Variants in THBS3 observed in about 807,000 individuals in gnomAD.
THBS3 encodes the protein thrombospondin-3.
A neutral mutation model predicts 118.3 loss-of-function variants in THBS3; 78 were observed. The observed-to-expected ratio is 0.66, with a 90% CI of 0.55 to 0.80. The LOEUF is 0.80. Among genes scored for constraint, THBS3 ranks in the 30% least tolerant of loss-of-function variants. The pLI is 0.00. For synonymous variants in THBS3, 427 were observed against 475.3 expected, an observed-to-expected ratio of 0.90 and a Z score of 1.32; for missense variants, 1,057 against 1,247.4, an observed-to-expected ratio of 0.85 and a Z score of 2.30.
In THBS3 at chr1:155,197,080, C is replaced by T. The variant is rs766233941; in HGVS notation, c.2633G>A (p.Arg878His). ...TTGAGGCCGGTGCAGAAGCTGCCAG[C>T]GATAGGAGGTCTTGTCCCGCCAGCC... ...NVGWRDKTSYRWQLLHRPQVG... is the reference protein window; with the variant it reads ...NVGWRDKTSYHWQLLHRPQVG... Residue 878 changes from arginine (R) to histidine (H), a missense_variant, in exon 21 of 23, where the codon CGC becomes CAC. Arg to His is a conservative substitution (Grantham distance 29). Coordinates refer to ENST00000368378, the MANE Select transcript of THBS3 (RefSeq NM_007112.5). This position sits in a 1 kb window ranked among gnomAD's most constrained non-coding sequence, Gnocchi z 5.0. The T allele has an allele frequency of 2.6e-5, 42 of 1,613,942 alleles. No homozygotes were observed. The Admixed American group carries it at 4.8e-4, about 19-fold the overall frequency.
chr1:155,202,296 C>A lies in THBS3; in HGVS notation c.1063G>T (p.Gly355Cys). Residue 355 changes from glycine to cysteine, a missense_variant, in exon 9 of 23, where the codon GGT becomes TGT. Coordinates refer to ENST00000368378, the MANE Select transcript of THBS3 (RefSeq NM_007112.5). The surrounding 1 kb of genome is among the most constrained non-coding windows in gnomAD (Gnocchi z 5.5). ...GCCCGGGCATAGTCAATGCCCACAC[C>A]AGACACCTGTGTGCCCTTGTACCCT... ...PRGYKGTQVS[G>C]VGIDYARASK... 1.7e-5 allele frequency: 28 copies of A among 1,614,102 alleles called. No homozygotes were observed. The highest frequency in any genetic ancestry group is 2.4e-5 in the Non-Finnish European group (28 of 1,180,028).
intron 3 of THBS3, 43 bp downstream of exon 3, chr1:155,205,017 C>G (rs368139686): frequency 2.7e-4 from 440 of 1,613,018 alleles, no homozygotes; most frequent in Non-Finnish European, 3.5e-4. Context: ...CCAGCTGGTG[C>G]AAACTCTATT....
chr1:155,197,665 G>T lies in THBS3; in HGVS notation c.2303-6C>A. On this transcript the variant is annotated splice_region_variant and splice_polypyrimidine_tract_variant and intron_variant, in intron 19 of 22. Transcript: ENST00000368378. The surrounding 1 kb of genome is among the most constrained non-coding windows in gnomAD (Gnocchi z 5.0). ...ACCATTGAAGGCCGTGTATCCTGGGGTGGGGGTGGGATAAAGGTCAGGGGC... is the reference window on the plus strand; with the variant it reads ...ACCATTGAAGGCCGTGTATCCTGGGTTGGGGGTGGGATAAAGGTCAGGGGC... 1 of 1,603,966 alleles carries T rather than the reference G, an allele frequency of 6.2e-7. No individual in the cohort carries two copies. Among genetic ancestry groups the T allele is most frequent in the African/African-American group, 1.3e-5 (1 of 74,766 alleles).
rs1429976594 is a variant in THBS3 at position 155,201,994 on chromosome 1, C to G, written c.1139G>C (p.Gly380Ala). Residue 380 changes from glycine to alanine, a missense_variant, in exon 10 of 23, where the codon GGT (glycine) becomes GCT (alanine). Physicochemically the swap from Gly to Ala is moderately conservative, Grantham distance 60. This residue lies in a region of THBS3 where 544 missense variants were observed against 715.6 expected (regional missense o/e 0.76). Transcript: ENST00000368378. ...GCAGATGGAGTTTGGGTCACAGCCA[C>G]CATTGTTGCCATCGTTGCATTCATC... is the stretch of plus-strand genomic sequence containing the variant. ...DIDECNDGNN[G>A]GCDPNSICTN... 6.2e-7 allele frequency: 1 copy of G among 1,614,004 alleles called. No homozygotes were observed. Among genetic ancestry groups the G allele is most frequent in the Admixed American group, 1.7e-5 (1 of 60,002 alleles).
chr1:155,208,389 C>T (rs1180339237), upstream of THBS3, among the ~76,000 whole-genome samples: 1 of 152,224 alleles, frequency 6.6e-6, no homozygotes, highest in South Asian at 2.1e-4. Context: ...TGGGGGGTCC[C>T]CTGACAAGTG....
chr1:155,207,455 G>A (rs1006280551), intron 1 of THBS3, among the ~76,000 whole-genome samples: 1 of 151,650 alleles, frequency 6.6e-6, no homozygotes, highest in African/African-American at 2.4e-5. Context: ...ACGAAGCCCA[G>A]GGACCTACAG....
rs904914581 is a variant in THBS3, at chr1:155,206,861, CA to C, written c.80-456del. On this transcript the variant is annotated intron_variant, in intron 1 of 22. Transcript: ENST00000368378. This position sits in a 1 kb window ranked among gnomAD's most constrained non-coding sequence, Gnocchi z 4.2. Reference sequence around the variant, plus strand: ...CCATCTCAAAAAGACAAAACGAAAACAAAAAAAAACCTCAACCCTTGTTGCT... The same window carrying C: ...CCATCTCAAAAAGACAAAACGAAAACAAAAAAAACCTCAACCCTTGTTGCT... 1.2e-3 allele frequency among the ~76,000 whole-genome samples: 175 copies of C among 150,842 alleles called. 1 individual carries two copies. Among genetic ancestry groups the C allele is most frequent in the Non-Finnish European group, 3.7e-4 (25 of 67,612 alleles).
At position 155,206,689 on chromosome 1, in the gene THBS3, C is replaced by T. The variant is rs182936472; in HGVS notation, c.80-283G>A. Among the ~76,000 whole-genome samples, 8 of 151,692 alleles carry T rather than the reference C, an allele frequency of 5.3e-5. No individual in the cohort carries two copies. Among genetic ancestry groups the T allele is most frequent in the Admixed American group, 5.2e-4 (8 of 15,250 alleles). On this transcript the variant is annotated intron_variant, in intron 1 of 22. Transcript: ENST00000368378. This position sits in a 1 kb window ranked among gnomAD's most constrained non-coding sequence, Gnocchi z 4.2. ...AACAACAACAAAAAAGAAAAAAAAA[C>T]CACCTAGCCGGGCGTGGTGGCGGGC...
chr1:155,200,031 A>G lies in THBS3; in HGVS notation c.1791T>C (p.Ala597=). Residue 597 remains alanine (A), a synonymous_variant, in exon 15 of 23, where the codon GCT becomes GCC. Transcript: ENST00000368378. ...TGCTCATTTCAGGGCAGCTGTCGCAAGCATCTCCCACCCCGTCCTCATCCC... is the reference window on the plus strand; with the variant it reads ...TGCTCATTTCAGGGCAGCTGTCGCAGGCATCTCCCACCCCGTCCTCATCCC... ...TDRDEDGVGD[A]CDSCPEMSNP... 1 of 1,602,718 alleles carries G rather than the reference A, an allele frequency of 6.2e-7. No homozygotes were observed. The highest frequency in any genetic ancestry group is 1.1e-5 in the South Asian group (1 of 89,482).
upstream of THBS3, chr1:155,207,956 G>T: frequency 7.6e-7 from 1 of 1,309,714 alleles, no homozygotes. Context: ...AGGAGCCGGG[G>T]GGCGGAGGGA....
At chr1:155,208,830 G>A, upstream of THBS3, 1 of 1,580,870 alleles carries the variant, frequency 6.3e-7, no homozygotes, top group Non-Finnish European at 8.6e-7. Flanking sequence ...CCCCCCCGCA[G>A]TCCCCGCTCG....
rs1168341496 is a variant in THBS3 at position 155,195,886 on chromosome 1, C to A, written c.2826G>T (p.Glu942Asp). 6.2e-7 allele frequency: 1 copy of A among 1,614,168 alleles called. No individual in the cohort carries two copies. The highest frequency in any genetic ancestry group is 8.5e-7 in the Non-Finnish European group (1 of 1,180,018). The change falls in exon 23 of 23, where the codon GAG becomes GAT. Residue 942 changes from glutamate to aspartate, a missense_variant. Glu to Asp is a conservative substitution (Grantham distance 45). Coordinates refer to ENST00000368378, the MANE Select transcript of THBS3 (RefSeq NM_007112.5). ...LQYRCNDTVP[E>D]DFEPFRRQLL... ...GCTGCCTCCGGAATGGCTCAAAGTC[C>A]TCAGGCACTGTGTCTGAAGAAGGGG...
At position 155,202,975 on chromosome 1, in the gene THBS3, C is replaced by A; in HGVS notation, c.809-15G>T. ...CTCATGGAAGCCTGAGGGGTGGACA[C>A]AGTCAGAGCTACCCGGTGGTCACTA... On this transcript the variant is annotated splice_polypyrimidine_tract_variant and intron_variant, in intron 7 of 22. Transcript: ENST00000368378. This position sits in a 1 kb window ranked among gnomAD's most constrained non-coding sequence, Gnocchi z 5.5. The A allele has an allele frequency of 5.0e-6, 8 of 1,613,794 alleles. No homozygotes were observed. Among genetic ancestry groups the A allele is most frequent in the Non-Finnish European group, 5.9e-6 (7 of 1,179,894 alleles).
intron 12 of THBS3, 25 bp downstream of exon 12, chr1:155,201,069 C>T (rs540043671): frequency 2.5e-6 from 4 of 1,614,180 alleles, no homozygotes; most frequent in Admixed American, 1.7e-5. Context: ...CCCACTACGC[C>T]CCCTTGCCCG....
At chr1:155,209,089 C>A (rs1487131160), upstream of THBS3, 1 of 1,542,642 alleles carries the variant, frequency 6.5e-7, no homozygotes, top group African/African-American at 1.4e-5. Flanking sequence ...GCCCAGTCCC[C>A]CGCAGTTCAG....
chr1:155,200,600 C>T lies in THBS3; in HGVS notation c.1559G>A (p.Arg520Gln), dbSNP rs138543887. The T allele has an allele frequency of 4.5e-4, 713 of 1,591,666 alleles. 1 individual carries two copies. The highest frequency in any genetic ancestry group is 1.4e-3 in the Admixed American group (85 of 59,994). Residue 520 changes from arginine (R) to glutamine (Q), a missense_variant, in exon 14 of 23, where the codon CGG becomes CAG. Coordinates refer to ENST00000368378, the MANE Select transcript of THBS3 (RefSeq NM_007112.5). ...DGIKNVEDNC[R>Q]LFPNKDQQNS... is the part of the protein sequence containing the mutation. ...CTGCTGGTCTTTGTTGGGGAACAGC[C>T]GGCAGTTGTCCTGGGCAGAGGGGTG...
In THBS3 at chr1:155,202,583, T is replaced by C. The variant is rs1669940218; in HGVS notation, c.958-182A>G. ...TTCCCTCTCTCCCTCCCCATGCCAC[T>C]GGTCACCATCTCAAGCCTCCCCTGC... On this transcript the variant is annotated intron_variant, in intron 8 of 22. Coordinates refer to ENST00000368378, the MANE Select transcript of THBS3 (RefSeq NM_007112.5). The surrounding 1 kb of genome is among the most constrained non-coding windows in gnomAD (Gnocchi z 5.5). 6.6e-6 allele frequency among the ~76,000 whole-genome samples: 1 copy of C among 152,246 alleles called. No homozygotes were observed. The highest frequency in any genetic ancestry group is 2.1e-4 in the South Asian group (1 of 4,828).
In THBS3 at chr1:155,202,376, G is replaced by A. The variant is rs371452277; in HGVS notation, c.983C>T (p.Pro328Leu). ...NECAHADPCF[P>L]GSSCINTMPG... ...CATGGTGTTGATGCAGCTGGAGCCC[G>A]GGAAACAGGGGTCAGCGTGAGCACA... Residue 328 changes from proline to leucine, a missense_variant, in exon 9 of 23, where the codon CCG becomes CTG. This residue lies in a region of THBS3 where 544 missense variants were observed against 715.6 expected (regional missense o/e 0.76). Coordinates refer to ENST00000368378, the MANE Select transcript of THBS3 (RefSeq NM_007112.5). The surrounding 1 kb of genome is among the most constrained non-coding windows in gnomAD (Gnocchi z 5.5). The A allele has an allele frequency of 1.5e-4, 245 of 1,613,912 alleles. No homozygotes were observed. The highest frequency in any genetic ancestry group is 1.9e-4 in the Non-Finnish European group (219 of 1,179,942).
rs762082117 is a variant in THBS3, at chr1:155,195,890, G to C, written c.2822C>G (p.Pro941Arg). 6.2e-7 allele frequency: 1 copy of C among 1,614,154 alleles called. No individual in the cohort carries two copies. The highest frequency in any genetic ancestry group is 1.1e-5 in the South Asian group (1 of 91,074). ...NLQYRCNDTV[P>R]EDFEPFRRQL... ...CCTCCGGAATGGCTCAAAGTCCTCAGGCACTGTGTCTGAAGAAGGGGAAAT... is the reference window on the plus strand; with the variant it reads ...CCTCCGGAATGGCTCAAAGTCCTCACGCACTGTGTCTGAAGAAGGGGAAAT... Residue 941 changes from proline (P) to arginine (R), a missense_variant, in exon 23 of 23, where the codon CCT (proline) becomes CGT (arginine). Pro to Arg is a moderately radical substitution (Grantham distance 103, BLOSUM62 -2). Coordinates refer to ENST00000368378, the MANE Select transcript of THBS3 (RefSeq NM_007112.5).
Sources: allele counts gnomAD v4.1 joint callset (sites outside exome capture counted in the v4.1 genomes callset), GRCh38; gene constraint gnomAD v4.1.1; regional missense constraint gnomAD v4.1.1; non-coding constraint Gnocchi (gnomAD v3.1); transcripts MANE v1.5; gene names NCBI Gene and HGNC (gene_info 2026-07-23, HGNC 2026-07-21).